ZC3HAV1: variants seen among roughly 807,000 people sequenced by gnomAD.
ZC3HAV1 encodes zinc finger CCCH-type containing, antiviral 1, also known as zinc finger CCCH-type antiviral protein 1.
Under a neutral mutation model 86.6 loss-of-function variants are expected in ZC3HAV1, and 41 were observed. That is an observed-to-expected ratio of 0.47 (90% CI 0.37 to 0.61). The LOEUF is 0.61. Ranked by LOEUF, ZC3HAV1 falls within the 20% of genes least tolerant of loss-of-function variation. The pLI, the probability that ZC3HAV1 is intolerant of heterozygous loss-of-function variation, is 0.00. For missense variants in ZC3HAV1, 964 were observed against 1,141.1 expected, an observed-to-expected ratio of 0.84 and a Z score of 2.24; for synonymous variants, 421 against 432.1, an observed-to-expected ratio of 0.97 and a Z score of 0.32.
intron 1 of ZC3HAV1, among the ~76,000 whole-genome samples, chr7:139,105,159 A>G (rs1374962775): frequency 6.6e-6 from 1 of 152,066 alleles, no homozygotes; most frequent in Non-Finnish European, 1.5e-5. Flanking sequence ...AGTGGCAGTG[A>G]GCTATGACCG....
intron 7 of ZC3HAV1, among the ~76,000 whole-genome samples, chr7:139,071,551 A>G (rs78380033): frequency 0.011 from 1,660 of 152,360 alleles, 28 homozygotes; most frequent in African/African-American, 0.038. Flanking sequence ...ATTTGGGTTT[A>G]TAATTTTATT....
At chr7:139,068,357 G>C (rs1473388489) in intron 7 of ZC3HAV1, among the ~76,000 whole-genome samples, 1 of 152,164 alleles carries the variant, frequency 6.6e-6, no homozygotes, top group Non-Finnish European at 1.5e-5. Flanking sequence ...ACTGTGCCCA[G>C]CCTAGGAAGA....
chr7:139,092,206 C>A (rs1265604803), intron 1 of ZC3HAV1, among the ~76,000 whole-genome samples: 4 of 152,186 alleles, frequency 2.6e-5, no homozygotes, highest in Admixed American at 6.5e-5. Flanking sequence ...ATATAGCTCG[C>A]CACCATATCT....
In ZC3HAV1 at chr7:139,053,430, C is replaced by T; in HGVS notation, c.2449+21G>A. 5 of 1,555,166 alleles carry T rather than the reference C, an allele frequency of 3.2e-6. No homozygotes were observed. In the African/African-American group the frequency reaches 5.5e-5, roughly 17 times the overall value. ...CCGAGTTATGACTCTACTAGTTACG[C>T]TTCTCTATCCCGGCACTAACCTTTT... is the stretch of plus-strand genomic sequence containing the variant. On this transcript the variant is annotated intron_variant, in intron 12 of 12. Coordinates refer to ENST00000242351, the MANE Select transcript of ZC3HAV1 (RefSeq NM_020119.4).
chr7:139,091,191 G>A (rs1028276159), intron 1 of ZC3HAV1, among the ~76,000 whole-genome samples: 2 of 152,130 alleles, frequency 1.3e-5, no homozygotes, highest in Non-Finnish European at 2.9e-5. Context: ...AGCAAGAAGG[G>A]CCTTTGAAAA....
intron 1 of ZC3HAV1, among the ~76,000 whole-genome samples, chr7:139,097,390 T>C (rs1171862193): frequency 8.1e-6 from 1 of 122,802 alleles, no homozygotes; most frequent in African/African-American, 3.2e-5. Context: ...TGGAAACAAA[T>C]ATTGGAACTC....
At chr7:139,089,554 C>G in intron 2 of ZC3HAV1, 70 bp downstream of exon 2, 1 of 1,488,402 alleles carries the variant, frequency 6.7e-7, no homozygotes, top group Non-Finnish European at 8.9e-7. Flanking sequence ...TCTGCTCCTA[C>G]TCCAAAATAT....
At position 139,044,698 on chromosome 7, in the gene ZC3HAV1, A is replaced by G. The variant is rs1815909272; in HGVS notation, c.*2896T>C. ...CCAAGTATGCAGAACATCTTGCAAT[A>G]CATTGGACAGTTCCTCACAATAAGA... On this transcript the variant is annotated 3_prime_UTR_variant, in exon 13 of 13. Coordinates refer to ENST00000242351, the MANE Select transcript of ZC3HAV1 (RefSeq NM_020119.4). 1 of 152,638 alleles carries G rather than the reference A, an allele frequency of 6.6e-6. No homozygotes were observed. The highest frequency in any genetic ancestry group is 1.5e-5 in the Non-Finnish European group (1 of 68,044). 9.5% of individuals were successfully genotyped at this position (152,638 alleles called of 1,614,324 possible). A position where few individuals can be genotyped will look rare whatever the true frequency, so the allele number is the denominator to read the frequency against.
intron 12 of ZC3HAV1, among the ~76,000 whole-genome samples, chr7:139,051,983 T>A (rs1040016848): frequency 6.6e-6 from 1 of 152,198 alleles, no homozygotes; most frequent in African/African-American, 2.4e-5. Context: ...TTTTGTTTTT[T>A]TAATTTTCTA....
chr7:139,097,422 A>ATTTTTTTTTTTTTTTTTTTTT (rs1563140647), intron 1 of ZC3HAV1, among the ~76,000 whole-genome samples: 1 of 79,522 alleles, frequency 1.3e-5, no homozygotes, highest in Non-Finnish European at 2.1e-5. Flanking sequence ...ATATATATAT[A>ATTTTTTTTTTTTTTTTTTTTT]TATATATTTT....
Position 139,046,737 on chromosome 7 carries a change from C to CTT in ZC3HAV1, c.*855_*856dup, listed in dbSNP as rs112890737. On this transcript the variant is annotated 3_prime_UTR_variant, in exon 13 of 13. Transcript: ENST00000242351. ...TGTCTGCAATAGCACTTCAATTTTACTTTTTTTTCCCCTAGCATGTCCTTA... is the reference window on the plus strand; with the variant it reads ...TGTCTGCAATAGCACTTCAATTTTACTTTTTTTTTTCCCCTAGCATGTCCTTA... The CTT allele has an allele frequency of 6.6e-6, 1 of 152,100 alleles. No homozygotes were observed. The highest frequency in any genetic ancestry group is 2.4e-5 in the African/African-American group (1 of 41,386). 9.4% of individuals were successfully genotyped at this position (152,100 alleles called of 1,614,324 possible).
chr7:139,083,249 G>T (rs573255572), intron 3 of ZC3HAV1, among the ~76,000 whole-genome samples: 10 of 72,950 alleles, frequency 1.4e-4, no homozygotes, highest in Non-Finnish European at 2.0e-4. Flanking sequence ...TAAACCTGGG[G>T]GGGGGGGCAA....
chr7:139,045,449 A>G lies in ZC3HAV1; in HGVS notation c.*2145T>C, dbSNP rs1205940422. On this transcript the variant is annotated 3_prime_UTR_variant, in exon 13 of 13. Transcript: ENST00000242351. ...CATTACTAAGTAAATTTTAAAAAATATAACCTTCTTGCTCTGAAGAAAACA... is the reference window on the plus strand; with the variant it reads ...CATTACTAAGTAAATTTTAAAAAATGTAACCTTCTTGCTCTGAAGAAAACA... 1 of 152,238 alleles carries G rather than the reference A, an allele frequency of 6.6e-6. No individual in the cohort carries two copies. The highest frequency in any genetic ancestry group is 6.5e-5 in the Admixed American group (1 of 15,280). The allele number at this position is 152,238 out of a possible 1,614,324, so 9.4% of individuals were successfully genotyped here. A position where few individuals can be genotyped will look rare whatever the true frequency, so the allele number is the denominator to read the frequency against.
At chr7:139,069,686 A>C (rs971117484) in intron 7 of ZC3HAV1, among the ~76,000 whole-genome samples, 1 of 152,178 alleles carries the variant, frequency 6.6e-6, no homozygotes, top group Non-Finnish European at 1.5e-5. Flanking sequence ...GTCCTGGTTA[A>C]GTACATCAAT....
At chr7:139,097,128 G>A (rs937744194) in intron 1 of ZC3HAV1, among the ~76,000 whole-genome samples, 3 of 150,622 alleles carry the variant, frequency 2.0e-5, no homozygotes. Flanking sequence ...AGAGAGGGAG[G>A]CTCTGTCTAA....
chr7:139,086,477 A>G (rs1372958220), intron 2 of ZC3HAV1, among the ~76,000 whole-genome samples: 2 of 145,848 alleles, frequency 1.4e-5, no homozygotes, highest in African/African-American at 5.1e-5. Context: ...TCTTGTTTGC[A>G]CTGTTTGATA....
At position 139,080,252 on chromosome 7, in the gene ZC3HAV1, A is replaced by G. The variant is rs776874259; in HGVS notation, c.698-9T>C. ...ACGATGTGAAGAAGGAGCTAAGGGG[A>G]AAAAAAGCCAAAATGAAACAAAATA... On this transcript the variant is annotated splice_polypyrimidine_tract_variant and intron_variant, in intron 3 of 12. Coordinates refer to ENST00000242351, the MANE Select transcript of ZC3HAV1 (RefSeq NM_020119.4). 1 of 1,590,574 alleles carries G rather than the reference A, an allele frequency of 6.3e-7. No homozygotes were observed. The highest frequency in any genetic ancestry group is 8.5e-7 in the Non-Finnish European group (1 of 1,178,776).
At chr7:139,080,787 T>C (rs1817105797) in intron 3 of ZC3HAV1, among the ~76,000 whole-genome samples, 2 of 151,958 alleles carry the variant, frequency 1.3e-5, no homozygotes, top group African/African-American at 2.4e-5. Flanking sequence ...ATCACTGGGG[T>C]CAATGGAGAG....
chr7:139,056,894 G>A (rs1816300915), intron 9 of ZC3HAV1, among the ~76,000 whole-genome samples: 1 of 152,104 alleles, frequency 6.6e-6, no homozygotes. Flanking sequence ...AACGTGAACT[G>A]GGTATTAGAT....
Sources: allele counts gnomAD v4.1 joint callset (sites outside exome capture counted in the v4.1 genomes callset), GRCh38; gene constraint gnomAD v4.1.1; transcripts MANE v1.5; gene names NCBI Gene and HGNC (gene_info 2026-07-23, HGNC 2026-07-21).